SBF2: variants seen among roughly 807,000 people sequenced by gnomAD.
SBF2 encodes myotubularin-related protein 13.
In SBF2, 112 loss-of-function variants were observed where a neutral mutation model predicts 225.2. The observed-to-expected ratio is 0.50, with a 90% CI of 0.43 to 0.58. The LOEUF is 0.58. SBF2 is among the 20% of genes least tolerant of loss of function. The probability of loss-of-function intolerance (pLI) is 0.00; values close to 1 mark genes in which losing one functional copy is unlikely to be tolerated. For missense variants in SBF2, 1,996 were observed against 2,206.2 expected, an observed-to-expected ratio of 0.90 and a Z score of 1.91; for synonymous variants, 763 against 773.3, an observed-to-expected ratio of 0.99 and a Z score of 0.22.
intron 1 of SBF2, among the ~76,000 whole-genome samples, chr11:10,222,843 A>C (rs1958389991): frequency 1.3e-5 from 2 of 152,222 alleles, no homozygotes; most frequent in South Asian, 4.1e-4. Flanking sequence ...AACTTCCACA[A>C]GCTTAGCATT....
At chr11:10,156,668 A>G (rs1231779186) in intron 2 of SBF2, among the ~76,000 whole-genome samples, 1 of 152,104 alleles carries the variant, frequency 6.6e-6, no homozygotes, top group South Asian at 2.1e-4. Flanking sequence ...TCCATTCACA[A>G]TGGCCACAAA....
At chr11:10,293,956 C>G in intron 1 of SBF2, 59 bp downstream of exon 1, 6 of 1,139,806 alleles carry the variant, frequency 5.3e-6, no homozygotes, top group Non-Finnish European at 6.7e-6. Context: ...CCGCGGAGCC[C>G]ACTGGACAGC....
At chr11:10,227,751 G>C (rs1958638470) in intron 1 of SBF2, among the ~76,000 whole-genome samples, 1 of 152,188 alleles carries the variant, frequency 6.6e-6, no homozygotes, top group Non-Finnish European at 1.5e-5. Context: ...AACTCAGGTA[G>C]TGTGATGCCT....
intron 6 of SBF2, among the ~76,000 whole-genome samples, chr11:10,010,364 G>A (rs1948393694): frequency 6.6e-6 from 1 of 152,134 alleles, no homozygotes; most frequent in African/African-American, 2.4e-5. Context: ...GGTTTTAATG[G>A]TTTTAAGTCT....
At chr11:10,083,855 A>C (rs1951455298) in intron 2 of SBF2, among the ~76,000 whole-genome samples, 1 of 152,228 alleles carries the variant, frequency 6.6e-6, no homozygotes, top group Non-Finnish European at 1.5e-5. Context: ...AAGCAAATGC[A>C]ACAAAAGCAA....
intron 27 of SBF2, among the ~76,000 whole-genome samples, chr11:9,831,308 G>A (rs1192627130): frequency 6.6e-6 from 1 of 152,164 alleles, no homozygotes; most frequent in Non-Finnish European, 1.5e-5. Flanking sequence ...CCCTTCTTAT[G>A]TTCTAACATA....
chr11:9,890,873 C>G (rs1283253893), intron 17 of SBF2, among the ~76,000 whole-genome samples: 1 of 152,160 alleles, frequency 6.6e-6, no homozygotes, highest in Non-Finnish European at 1.5e-5. Context: ...GTGGCTCACA[C>G]CTGTAATCCC....
intron 28 of SBF2, among the ~76,000 whole-genome samples, chr11:9,822,718 G>A (rs1854841033): frequency 6.6e-6 from 1 of 152,152 alleles, no homozygotes; most frequent in African/African-American, 2.4e-5. Flanking sequence ...CTAAGCACTG[G>A]TGTTATTTCC....
chr11:9,822,377 C>G (rs920712925), intron 28 of SBF2, among the ~76,000 whole-genome samples: 5 of 151,944 alleles, frequency 3.3e-5, no homozygotes, highest in Admixed American at 3.3e-4. Flanking sequence ...TCTCCTGCCT[C>G]AGCCTCCCGC....
At chr11:9,906,061 T>C (rs951135532) in intron 16 of SBF2, among the ~76,000 whole-genome samples, 2 of 152,216 alleles carry the variant, frequency 1.3e-5, no homozygotes, top group Admixed American at 6.5e-5. Flanking sequence ...GCAAAAAGTA[T>C]GAATCATCTT....
intron 16 of SBF2, among the ~76,000 whole-genome samples, chr11:9,941,433 A>G (rs1865246775): frequency 6.6e-6 from 1 of 152,244 alleles, no homozygotes; most frequent in Non-Finnish European, 1.5e-5. Flanking sequence ...ACTCTAACAT[A>G]AAGTGTTTCA....
chr11:9,993,669 C>T (rs561674710), intron 10 of SBF2, among the ~76,000 whole-genome samples: 42 of 152,262 alleles, frequency 2.8e-4, no homozygotes, highest in African/African-American at 9.9e-4. Flanking sequence ...GATTTTCTGT[C>T]CTACACTTAA....
chr11:10,270,837 G>T (rs945687883), intron 1 of SBF2, among the ~76,000 whole-genome samples: 1 of 151,490 alleles, frequency 6.6e-6, no homozygotes, highest in Non-Finnish European at 1.5e-5. Context: ...ACTAAAAAAC[G>T]GAAAAAAGTT....
intron 1 of SBF2, among the ~76,000 whole-genome samples, chr11:10,202,556 C>T (rs889307208): frequency 1.3e-5 from 2 of 152,160 alleles, no homozygotes; most frequent in Non-Finnish European, 2.9e-5. Flanking sequence ...GAGGCCGAGG[C>T]GGGTGGATCA....
chr11:9,968,526 A>G lies in SBF2; in HGVS notation c.1415T>C (p.Met472Thr). ...LFKNENPNPH[M>T]AFQKVPRPTE... The stretch of plus-strand genomic sequence containing the variant: ...TGGCCGTGGAACTTTCTGGAATGCC[A>G]TATGAGGATTTGGATTCTCCTGTAA... Residue 472 changes from methionine (M) to threonine (T), a missense_variant, in exon 14 of 40, where the codon ATG becomes ACG. Met to Thr is a moderately conservative substitution (Grantham distance 81). Transcript: ENST00000256190. 1 of 1,614,010 alleles carries G rather than the reference A, an allele frequency of 6.2e-7. No homozygotes were observed.
chr11:10,151,830 T>C (rs1336180318), intron 2 of SBF2, among the ~76,000 whole-genome samples: 2 of 152,240 alleles, frequency 1.3e-5, no homozygotes, highest in East Asian at 3.8e-4. Flanking sequence ...GCTGTCACTA[T>C]GCATATGATT....
At chr11:9,811,001 T>C (rs1854147696) in intron 30 of SBF2, 1 of 152,128 alleles carries the variant, frequency 6.6e-6, no homozygotes, top group South Asian at 2.1e-4. Flanking sequence ...GAAAATATGG[T>C]ACATATACAC....
At chr11:10,198,702 C>T (rs1451460914) in intron 1 of SBF2, among the ~76,000 whole-genome samples, 1 of 152,192 alleles carries the variant, frequency 6.6e-6, no homozygotes, top group Non-Finnish European at 1.5e-5. Flanking sequence ...TGTAGTGTGG[C>T]TGCCCTCATC....
intron 26 of SBF2, among the ~76,000 whole-genome samples, chr11:9,834,181 C>T (rs986967561): frequency 7.9e-5 from 12 of 151,678 alleles, no homozygotes; most frequent in African/African-American, 1.7e-4. Context: ...CAACCTTCGC[C>T]TCCTGGGTTC....
Sources: gnomAD v4.1 joint callset for allele counts (sites outside exome capture counted in the v4.1 genomes callset) on GRCh38, gnomAD v4.1.1 for gene constraint, MANE v1.5 for transcripts, NCBI Gene and HGNC (gene_info 2026-07-23, HGNC 2026-07-21) for gene names.